SH3TC1: variants seen among roughly 807,000 people sequenced by gnomAD.
The protein encoded by SH3TC1 is SH3 domain and tetratricopeptide repeat-containing protein 1.
Under a neutral mutation model 117.3 loss-of-function variants are expected in SH3TC1, and 135 were observed. That is an observed-to-expected ratio of 1.15 (90% CI 1.00 to 1.33). SH3TC1 has a LOEUF of 1.33. SH3TC1 is among the 40% of genes most tolerant of loss of function. The probability of loss-of-function intolerance (pLI) is 0.00; values close to 1 mark genes in which losing one functional copy is unlikely to be tolerated. For synonymous variants in SH3TC1, 898 were observed against 816.9 expected, an observed-to-expected ratio of 1.10 and a Z score of -1.69; for missense variants, 2,092 against 1,794.3, an observed-to-expected ratio of 1.17 and a Z score of -3.00.
At chr4:8,197,913 C>T (rs2152975684), upstream of SH3TC1, among the ~76,000 whole-genome samples, 1 of 152,252 alleles carries the variant, frequency 6.6e-6, no homozygotes, top group South Asian at 2.1e-4. Flanking sequence ...ATGAAGGACG[C>T]AGGTGTGGGC....
chr4:8,238,541 G>C (rs985813473), intron 17 of SH3TC1, among the ~76,000 whole-genome samples: 2 of 152,182 alleles, frequency 1.3e-5, no homozygotes, highest in Non-Finnish European at 2.9e-5. Flanking sequence ...AGAACAACAT[G>C]AGGAGCTGCG....
At position 8,236,221 on chromosome 4, in the gene SH3TC1, G is replaced by A. The variant is rs116628202; in HGVS notation, c.3406-57G>A. The A allele has an allele frequency of 1.1e-4, 160 of 1,490,544 alleles. 1 individual carries two copies. The African/African-American group carries it at 1.9e-3, about 18-fold the overall frequency. The allele number at this position is 1,490,544 out of a possible 1,614,324, so 92.3% of individuals were successfully genotyped here. A position where few individuals can be genotyped will look rare whatever the true frequency, so the allele number is the denominator to read the frequency against. ...CGAGCACATGTTTGAGCTCTGAGGA[G>A]GGCGCTGGGCAAGGTGGGTGCTGCG... On this transcript the variant is annotated intron_variant, in intron 15 of 17. Transcript: ENST00000245105.
At position 8,228,365 on chromosome 4, in the gene SH3TC1, C is replaced by A. The variant is rs371377040; in HGVS notation, c.2671C>A (p.Arg891=). The A allele has an allele frequency of 1.2e-6, 2 of 1,611,266 alleles. No homozygotes were observed. Among genetic ancestry groups the A allele is most frequent in the Non-Finnish European group, 1.7e-6 (2 of 1,179,530 alleles). The change falls in exon 12 of 18, where the codon CGG becomes AGG. Residue 891 remains arginine (R), a synonymous_variant. Transcript: ENST00000245105. ...AGCTGAGAGCTACTACCGCGCCCTG[C>A]GGGTGGCTCGGGACCTGGGCCAGCA... The part of the protein sequence containing the change: ...QAAESYYRAL[R]VARDLGQQRN...
upstream of SH3TC1, among the ~76,000 whole-genome samples, chr4:8,197,802 A>G (rs1578641507): frequency 6.6e-6 from 1 of 152,146 alleles, no homozygotes; most frequent in East Asian, 1.9e-4. Flanking sequence ...GGAGGGTGTG[A>G]CTTGAGGGCT....
intron 14 of SH3TC1, among the ~76,000 whole-genome samples, chr4:8,234,335 C>T (rs1207328416): frequency 3.3e-5 from 5 of 151,858 alleles, no homozygotes; most frequent in Admixed American, 1.3e-4. Context: ...TCCCTCCATT[C>T]GTCTGTCTGT....
chr4:8,233,002 C>G, intron 13 of SH3TC1: 2 of 1,198,274 alleles, frequency 1.7e-6, no homozygotes, highest in Non-Finnish European at 2.1e-6. Flanking sequence ...CTCTGGATGA[C>G]TGTGATGCCT....
At chr4:8,188,608 C>T (rs182833678) in intron 1 of SH3TC1, among the ~76,000 whole-genome samples, 11 of 152,364 alleles carry the variant, frequency 7.2e-5, no homozygotes, top group East Asian at 3.9e-4. Context: ...TGGACCGCTA[C>T]GCTACCCTTG....
chr4:8,223,858 CT>C (rs1468603648), intron 10 of SH3TC1, among the ~76,000 whole-genome samples: 1 of 152,188 alleles, frequency 6.6e-6, no homozygotes, highest in Non-Finnish European at 1.5e-5. Context: ...TGTTCTCGAA[CT>C]CCTGAGCTCA....
chr4:8,226,147 T>A (rs1720441803), intron 11 of SH3TC1, among the ~76,000 whole-genome samples: 1 of 152,224 alleles, frequency 6.6e-6, no homozygotes, highest in South Asian at 2.1e-4. Flanking sequence ...AGAGTCTATT[T>A]AAATCTAGAT....
chr4:8,216,138 T>C lies in SH3TC1; in HGVS notation c.509T>C (p.Leu170Pro), dbSNP rs746440266. ...TTCACTCATCACTGCCTGGCAAACC[T>C]GCTCATGGACCAGGCCTTCTGGCTG... is the stretch of plus-strand genomic sequence containing the variant. ...LGFTHHCLAN[L>P]LMDQAFWLLL... is the part of the protein sequence containing the mutation. The change falls in exon 6 of 18, where the codon CTG becomes CCG. Residue 170 changes from leucine (L) to proline (P), a missense_variant. Physicochemically the swap from Leu to Pro is moderately conservative, Grantham distance 98. Coordinates refer to ENST00000245105, the MANE Select transcript of SH3TC1 (RefSeq NM_018986.5). 6.2e-7 allele frequency: 1 copy of C among 1,613,588 alleles called. No individual in the cohort carries two copies. Among genetic ancestry groups the C allele is most frequent in the Non-Finnish European group, 8.5e-7 (1 of 1,180,018 alleles).
rs374550967 is a variant in SH3TC1 at position 8,227,363 on chromosome 4, A to G, written c.1669A>G (p.Met557Val). ...RGAAKKAGLL[M>V]ALARLCFLLG... ...GGCGGCCAAGAAAGCTGGCCTCCTC[A>G]TGGCCCTGGCCAGGCTCTGCTTCCT... is the stretch of plus-strand genomic sequence containing the variant. Residue 557 changes from methionine to valine, a missense_variant, in exon 12 of 18, where the codon ATG (methionine) becomes GTG (valine). Physicochemically the swap from Met to Val is conservative, Grantham distance 21. Coordinates refer to ENST00000245105, the MANE Select transcript of SH3TC1 (RefSeq NM_018986.5). 24 of 1,588,832 alleles carry G rather than the reference A, an allele frequency of 1.5e-5. No individual in the cohort carries two copies. The African/African-American group carries it at 2.7e-4, about 18-fold the overall frequency.
At chr4:8,237,941 G>C (rs1291747467) in intron 17 of SH3TC1, among the ~76,000 whole-genome samples, 1 of 152,206 alleles carries the variant, frequency 6.6e-6, no homozygotes, top group Non-Finnish European at 1.5e-5. Context: ...GGGGATTGTA[G>C]TCAGGGGGGC....
In SH3TC1 at chr4:8,217,828, T is replaced by C. The variant is rs112295080; in HGVS notation, c.840-443T>C. ...GTCATCTAGTCCAGCTTCCTTTTTTTTCTGGCTGAAGGAACTGAGGCTGAG... is the reference window on the plus strand; with the variant it reads ...GTCATCTAGTCCAGCTTCCTTTTTTCTCTGGCTGAAGGAACTGAGGCTGAG... On this transcript the variant is annotated intron_variant, in intron 7 of 17. Transcript: ENST00000245105. Among the ~76,000 whole-genome samples the C allele has an allele frequency of 4.0e-3, 612 of 152,356 alleles. 5 individuals are homozygous for C. Among genetic ancestry groups the C allele is most frequent in the African/African-American group, 0.012 (487 of 41,580 alleles).
chr4:8,201,513 G>C (rs1198091778), intron 1 of SH3TC1: 1 of 152,442 alleles, frequency 6.6e-6, no homozygotes, highest in Non-Finnish European at 1.5e-5. Flanking sequence ...AGGAAGGAGA[G>C]AGTCCTGCAG....
In SH3TC1 at chr4:8,209,463, G is replaced by C. The variant is rs1019866454; in HGVS notation, c.173-285G>C. Among the ~76,000 whole-genome samples, 2 of 152,314 alleles carry C rather than the reference G, an allele frequency of 1.3e-5. No homozygotes were observed. Among genetic ancestry groups the C allele is most frequent in the Non-Finnish European group, 2.9e-5 (2 of 68,024 alleles). On this transcript the variant is annotated intron_variant, in intron 2 of 17. Coordinates refer to ENST00000245105, the MANE Select transcript of SH3TC1 (RefSeq NM_018986.5). This position sits in a 1 kb window ranked among gnomAD's most constrained non-coding sequence, Gnocchi z 5.9. Reference sequence around the variant, plus strand: ...GGGCCCTGTCCACACCCTCACTTTAGCTCTGTGAGGCCCATTGGAACTTGA... The same window carrying C: ...GGGCCCTGTCCACACCCTCACTTTACCTCTGTGAGGCCCATTGGAACTTGA...
intron 13 of SH3TC1, 78 bp downstream of exon 13, chr4:8,232,234 G>T: frequency 1.4e-6 from 2 of 1,386,868 alleles, no homozygotes; most frequent in Middle Eastern, 2.7e-4. Flanking sequence ...AGGGAAGCTG[G>T]CCCAGGGCCC....
chr4:8,223,457 G>A (rs947796432), intron 10 of SH3TC1, among the ~76,000 whole-genome samples: 1 of 152,224 alleles, frequency 6.6e-6, no homozygotes, highest in African/African-American at 2.4e-5. Flanking sequence ...CGTCTCCTAA[G>A]GACAGAGATA....
chr4:8,197,582 C>G (rs1384058380), upstream of SH3TC1, among the ~76,000 whole-genome samples: 2 of 152,198 alleles, frequency 1.3e-5, no homozygotes, highest in African/African-American at 2.4e-5. Context: ...GCCTCTGAAC[C>G]CTCCAACCCA....
rs1409063736 is a variant in SH3TC1, at chr4:8,192,447, CTTTA to C, written c.-57+10241_-57+10244del. 1.2e-4 allele frequency among the ~76,000 whole-genome samples: 17 copies of C among 138,464 alleles called. No individual in the cohort carries two copies. Among genetic ancestry groups the C allele is most frequent in the African/African-American group, 4.3e-4 (16 of 37,092 alleles). 90.8% of individuals were successfully genotyped at this position (138,464 alleles called of 152,430 possible). On this transcript the variant is annotated intron_variant, in intron 1 of 16. Transcript: ENST00000508641. The surrounding 1 kb of genome is among the most constrained non-coding windows in gnomAD (Gnocchi z 4.1). Reference sequence around the variant, plus strand: ...ACAATCTTCTTATCCAACCACTTGTCTTTATTTTATTTTATTTTATTTTATTTTA... The same window carrying C: ...ACAATCTTCTTATCCAACCACTTGTCTTTTATTTTATTTTATTTTATTTTA...
Sources: allele counts gnomAD v4.1 joint callset (sites outside exome capture counted in the v4.1 genomes callset), GRCh38; gene constraint gnomAD v4.1.1; non-coding constraint Gnocchi (gnomAD v3.1); transcripts MANE v1.5; gene names NCBI Gene and HGNC (gene_info 2026-07-23, HGNC 2026-07-21).